Variants in TBCD observed in about 807,000 individuals in gnomAD.
The protein encoded by TBCD is tubulin-specific chaperone D.
A neutral mutation model predicts 169.3 loss-of-function variants in TBCD; 105 were observed. The observed-to-expected ratio is 0.62, with a 90% CI of 0.53 to 0.73. The LOEUF is 0.73. Ranked by LOEUF, TBCD falls within the 30% of genes least tolerant of loss-of-function variation. The pLI, the probability that TBCD is intolerant of heterozygous loss-of-function variation, is 0.00. For missense variants in TBCD, 1,444 were observed against 1,600.1 expected, an observed-to-expected ratio of 0.90 and a Z score of 1.66; for synonymous variants, 700 against 643.9, an observed-to-expected ratio of 1.09 and a Z score of -1.32.
At chr17:82,865,611 G>A (rs1199927614) in intron 13 of TBCD, 4 of 889,952 alleles carry the variant, frequency 4.5e-6, no homozygotes, top group South Asian at 5.1e-5. Context: ...AGGGCGATGC[G>A]GTCTGCACCA....
At chr17:82,778,787 G>C (rs1204338167) in intron 6 of TBCD, among the ~76,000 whole-genome samples, 1 of 151,862 alleles carries the variant, frequency 6.6e-6, no homozygotes, top group East Asian at 1.9e-4. Flanking sequence ...TCAGCCTCCT[G>C]AGTAGCTAGG....
chr17:82,891,586 A>G (rs1473188289), intron 16 of TBCD, among the ~76,000 whole-genome samples: 1 of 152,222 alleles, frequency 6.6e-6, no homozygotes, highest in Non-Finnish European at 1.5e-5. Context: ...GGCAAAGCAA[A>G]CGGGAGTGGA....
chr17:82,945,039 G>C lies in TBCD; in HGVS notation c.*2576G>C, dbSNP rs2063589807. 1 of 152,190 alleles carries C rather than the reference G, an allele frequency of 6.6e-6. No individual in the cohort carries two copies. The highest frequency in any genetic ancestry group is 1.5e-5 in the Non-Finnish European group (1 of 68,054). The allele number at this position is 152,190 out of a possible 1,614,324, so 9.4% of individuals were successfully genotyped here. A position where few individuals can be genotyped will look rare whatever the true frequency, so the allele number is the denominator to read the frequency against. On this transcript the variant is annotated 3_prime_UTR_variant, in exon 39 of 39. Coordinates refer to ENST00000355528, the MANE Select transcript of TBCD (RefSeq NM_005993.5). ...CCTGACCAGTGGTATTCCCAGACAA[G>C]GGCAGAAGATGCAAATACAAAACCT...
intron 23 of TBCD, among the ~76,000 whole-genome samples, chr17:82,917,925 G>C (rs776204999): frequency 1.1e-4 from 17 of 152,246 alleles, no homozygotes; most frequent in Non-Finnish European, 1.8e-4. Flanking sequence ...GAGCTCTCTG[G>C]TAACTGCAGG....
intron 37 of TBCD, among the ~76,000 whole-genome samples, chr17:82,940,122 G>A (rs1055803844): frequency 1.9e-4 from 29 of 152,094 alleles, no homozygotes; most frequent in African/African-American, 7.0e-4. Flanking sequence ...CAGGTGTCCT[G>A]GGCCAACCGG....
intron 1 of TBCD, among the ~76,000 whole-genome samples, chr17:82,755,872 A>AGG (rs2047376936): frequency 6.6e-6 from 1 of 152,194 alleles, no homozygotes; most frequent in Non-Finnish European, 1.5e-5. Context: ...AGAGGCGAGG[A>AGG]GGAGACTCTG....
chr17:82,927,380 A>G, intron 29 of TBCD, 57 bp downstream of exon 29: 1 of 1,570,478 alleles, frequency 6.4e-7, no homozygotes, highest in South Asian at 1.2e-5. Context: ...ATTCCGTGGA[A>G]ACTCGGAGGC....
intron 2 of TBCD, among the ~76,000 whole-genome samples, chr17:82,757,859 T>G (rs2047485113): frequency 6.6e-6 from 1 of 152,102 alleles, no homozygotes; most frequent in South Asian, 2.1e-4. Flanking sequence ...ATAGGAGGTC[T>G]TGGGTTCCTG....
At chr17:82,807,498 A>T in intron 10 of TBCD, 110 bp from the exon 11 acceptor site, 1 of 603,520 alleles carries the variant, frequency 1.7e-6, no homozygotes, top group Non-Finnish European at 2.5e-6. Context: ...TTGTTAATGT[A>T]ATTCCCTTCG....
intron 17 of TBCD, among the ~76,000 whole-genome samples, chr17:82,893,950 C>T (rs746630191): frequency 6.6e-6 from 1 of 152,092 alleles, no homozygotes; most frequent in Non-Finnish European, 1.5e-5. Context: ...CCCGTTTTAC[C>T]CGTGCTGGTT....
At chr17:82,886,710 C>T (rs1395947598) in intron 15 of TBCD, among the ~76,000 whole-genome samples, 1 of 102,122 alleles carries the variant, frequency 9.8e-6, no homozygotes, top group African/African-American at 3.6e-5. Context: ...CACTCTGTCA[C>T]CCAGGCTGGA....
chr17:82,906,165 T>C (rs922435585), intron 20 of TBCD, 112 bp downstream of exon 20: 3 of 827,906 alleles, frequency 3.6e-6, no homozygotes, highest in Non-Finnish European at 3.8e-6. Context: ...TTTTTGTTTA[T>C]CTGCACCAGT....
intron 36 of TBCD, 133 bp downstream of exon 36, chr17:82,938,269 C>T (rs898593382): frequency 3.7e-5 from 37 of 1,008,900 alleles, no homozygotes; most frequent in African/African-American, 1.4e-4. Context: ...GCCTGGGTGA[C>T]GACGCGTCAC....
rs761119989 is a variant in TBCD, at chr17:82,832,220, G to T, written c.1318+17286G>T. On this transcript the variant is annotated intron_variant, in intron 13 of 38. Coordinates refer to ENST00000355528, the MANE Select transcript of TBCD (RefSeq NM_005993.5). The surrounding 1 kb of genome is among the most constrained non-coding windows in gnomAD (Gnocchi z 4.9). ...GAGGCTGGCTTCGCCGTGGCATCGG[G>T]CTGGTTGGTTTGCTTGGGGTCTAGT... The T allele has an allele frequency of 6.2e-6, 10 of 1,614,252 alleles. No individual in the cohort carries two copies. In the South Asian group the frequency reaches 9.9e-5, roughly 16 times the overall value.
At chr17:82,873,538 C>G (rs901540929) in intron 14 of TBCD, among the ~76,000 whole-genome samples, 7 of 152,258 alleles carry the variant, frequency 4.6e-5, no homozygotes, top group African/African-American at 1.4e-4. Context: ...GTCCCCGCTA[C>G]TGGACGGGGC....
chr17:82,877,647 T>C (rs764026502), intron 14 of TBCD, among the ~76,000 whole-genome samples: 8 of 152,256 alleles, frequency 5.3e-5, no homozygotes, highest in Admixed American at 2.0e-4. Context: ...GCTGTAGTTA[T>C]ATAACTTTTA....
Position 82,875,243 on chromosome 17 carries a change from G to A in TBCD, c.1475+4863G>A, listed in dbSNP as rs77282436. Among the ~76,000 whole-genome samples, 1,213 of 152,306 alleles carry A rather than the reference G, an allele frequency of 8.0e-3. 12 individuals are homozygous for A. The highest frequency in any genetic ancestry group is 0.028 in the African/African-American group (1,152 of 41,556). ...TTGAAAACCTGATTTCCTCAGTGTC[G>A]CACACGGGTAGCTTAAGAGGTGGGA... On this transcript the variant is annotated intron_variant, in intron 14 of 38. Coordinates refer to ENST00000355528, the MANE Select transcript of TBCD (RefSeq NM_005993.5).
chr17:82,809,853 C>T (rs2051298506), intron 12 of TBCD, 71 bp downstream of exon 12: 11 of 1,397,396 alleles, frequency 7.9e-6, no homozygotes, highest in Non-Finnish European at 7.9e-6. Context: ...TCCTTATATC[C>T]TTTCACGCTT....
At chr17:82,826,046 C>CT (rs2052815259) in intron 13 of TBCD, among the ~76,000 whole-genome samples, 1 of 152,226 alleles carries the variant, frequency 6.6e-6, no homozygotes, top group Admixed American at 6.5e-5. Context: ...TTTCCATTTA[C>CT]TTTTTTCCCA....
Sources: allele counts gnomAD v4.1 joint callset (sites outside exome capture counted in the v4.1 genomes callset), GRCh38; gene constraint gnomAD v4.1.1; non-coding constraint Gnocchi (gnomAD v3.1); transcripts MANE v1.5; gene names NCBI Gene and HGNC (gene_info 2026-07-23, HGNC 2026-07-21).